Variants in TCAIM observed in about 807,000 individuals in gnomAD.
TCAIM encodes T-cell activation inhibitor, mitochondrial.
Under a neutral mutation model 58.6 loss-of-function variants are expected in TCAIM, and 36 were observed. The observed-to-expected ratio is 0.61, with a 90% CI of 0.47 to 0.81. The LOEUF (loss-of-function observed/expected upper bound fraction) is 0.81. Among genes scored for constraint, TCAIM ranks in the 30% least tolerant of loss-of-function variants. TCAIM has a pLI of 0.00. For synonymous variants in TCAIM, 172 were observed against 193.6 expected (o/e 0.89, Z 0.93); for missense variants, 466 against 579.6 (o/e 0.80, Z 2.01).
At position 44,368,534 on chromosome 3, in the gene TCAIM, T is replaced by C. The variant is rs9811102; in HGVS notation, c.572+826T>C. Among the ~76,000 whole-genome samples, 445 of 152,352 alleles carry C rather than the reference T, an allele frequency of 2.9e-3. 4 individuals are homozygous for C. Among genetic ancestry groups the C allele is most frequent in the African/African-American group, 0.01 (436 of 41,598 alleles). ...TCTAGTACAGAAAAGTATAGAAGTA[T>C]GTGTCTGAAGACGTGTATGTATGTA... On this transcript the variant is annotated intron_variant, in intron 5 of 10. Coordinates refer to ENST00000342649, the MANE Select transcript of TCAIM (RefSeq NM_173826.4).
chr3:44,370,716 G>A lies in TCAIM; in HGVS notation c.572+3008G>A, dbSNP rs143930211. Among the ~76,000 whole-genome samples the A allele has an allele frequency of 6.9e-3, 1,006 of 146,072 alleles. 11 individuals are homozygous for A. The highest frequency in any genetic ancestry group is 0.024 in the African/African-American group (971 of 39,856). On this transcript the variant is annotated intron_variant, in intron 5 of 10. Transcript: ENST00000342649. Reference sequence around the variant, plus strand: ...TGCTTATATTGAAGGGCCTTAGATTGTATTTCTTTTTTAATTTCTTTCTTT... The same window carrying A: ...TGCTTATATTGAAGGGCCTTAGATTATATTTCTTTTTTAATTTCTTTCTTT...
chr3:44,361,484 T>A lies in TCAIM; in HGVS notation c.285T>A (p.Ser95Arg). ...LTFYVRETDQ[S>R]SSDGQEPFST... ...TTTATGTAAGAGAAACAGACCAGAG[T>A]TCCTCCGATGGCCAGGAACCTTTTA... Residue 95 changes from serine to arginine, a missense_variant, in exon 4 of 11, where the codon AGT becomes AGA. Coordinates refer to ENST00000342649, the MANE Select transcript of TCAIM (RefSeq NM_173826.4). 7 of 1,607,492 alleles carry A rather than the reference T, an allele frequency of 4.4e-6. No homozygotes were observed. Among genetic ancestry groups the A allele is most frequent in the Non-Finnish European group, 5.9e-6 (7 of 1,177,568 alleles).
At position 44,400,298 on chromosome 3, in the gene TCAIM, T is replaced by A. The variant is rs983950415; in HGVS notation, c.886-57T>A. On this transcript the variant is annotated intron_variant, in intron 8 of 10. Coordinates refer to ENST00000342649, the MANE Select transcript of TCAIM (RefSeq NM_173826.4). The stretch of plus-strand genomic sequence containing the variant: ...AATGCCATTTATTGGAATTCTAAAA[T>A]TAAATTATTATAGTAACATAAAACT... The A allele has an allele frequency of 3.1e-5, 41 of 1,313,322 alleles. 1 individual carries two copies. In the Admixed American group the frequency reaches 5.5e-4, roughly 18 times the overall value. The allele number at this position is 1,313,322 out of a possible 1,614,324, so 81.4% of individuals were successfully genotyped here.
At chr3:44,389,903 A>G (rs1043397918) in intron 5 of TCAIM, among the ~76,000 whole-genome samples, 2 of 152,148 alleles carry the variant, frequency 1.3e-5, no homozygotes, top group Admixed American at 6.5e-5. Context: ...TCATCTGTGC[A>G]TATTGGTACA....
chr3:44,357,662 T>C, intron 2 of TCAIM, 79 bp from the exon 3 acceptor site: 1 of 1,558,296 alleles, frequency 6.4e-7, no homozygotes, highest in Non-Finnish European at 8.7e-7. Context: ...GTACGTTTAG[T>C]TTTATTGTCA....
intron 3 of TCAIM, chr3:44,358,409 C>A: frequency 1.6e-6 from 1 of 615,038 alleles, no homozygotes; most frequent in South Asian, 2.0e-5. Flanking sequence ...CCTTCATATC[C>A]ATGGGTTTTA....
chr3:44,389,993 G>A (rs1462699337), intron 5 of TCAIM, among the ~76,000 whole-genome samples: 3 of 152,124 alleles, frequency 2.0e-5, no homozygotes, highest in Non-Finnish European at 4.4e-5. Context: ...ACATCTTTCA[G>A]GTTCCAGATC....
chr3:44,396,855 T>G (rs1233306069), intron 8 of TCAIM, 21 bp downstream of exon 8: 2 of 1,603,716 alleles, frequency 1.2e-6, no homozygotes, highest in Non-Finnish European at 1.7e-6. Context: ...GCCTTAAAAT[T>G]AAAAACTCCT....
In TCAIM at chr3:44,361,518, G is replaced by A. The variant is rs773948872; in HGVS notation, c.319G>A (p.Gly107Arg). The change falls in exon 4 of 11, where the codon GGA becomes AGA. Residue 107 changes from glycine to arginine, a missense_variant and splice_region_variant. Coordinates refer to ENST00000342649, the MANE Select transcript of TCAIM (RefSeq NM_173826.4). ...SDGQEPFSTSGFRAVKFTLHT... is the reference protein window; with the variant it reads ...SDGQEPFSTSRFRAVKFTLHT... Reference sequence around the variant, plus strand: ...TGGCCAGGAACCTTTTAGTACTTCCGGTACGTTTTTTATTTCTGGTGTGTC... The same window carrying A: ...TGGCCAGGAACCTTTTAGTACTTCCAGTACGTTTTTTATTTCTGGTGTGTC... 20 of 1,585,250 alleles carry A rather than the reference G, an allele frequency of 1.3e-5. No individual in the cohort carries two copies. The highest frequency in any genetic ancestry group is 3.8e-5 in the Admixed American group (2 of 53,226).
intron 1 of TCAIM, among the ~76,000 whole-genome samples, chr3:44,344,348 C>G (rs2125623779): frequency 6.6e-6 from 1 of 152,288 alleles, no homozygotes; most frequent in East Asian, 1.9e-4. Flanking sequence ...TTCCATCTTA[C>G]ACACAACATA....
chr3:44,361,582 AC>A, intron 4 of TCAIM, 64 bp downstream of exon 4: 1 of 1,380,218 alleles, frequency 7.2e-7, no homozygotes, highest in African/African-American at 1.5e-5. Flanking sequence ...ATTAATTTTG[AC>A]ATTGCCAGAA....
At chr3:44,371,679 C>G (rs1379527258) in intron 5 of TCAIM, among the ~76,000 whole-genome samples, 1 of 152,174 alleles carries the variant, frequency 6.6e-6, no homozygotes, top group African/African-American at 2.4e-5. Flanking sequence ...CCAATTCTAG[C>G]ATGTTCACAT....
At chr3:44,394,645 C>T (rs1701892971) in intron 6 of TCAIM, among the ~76,000 whole-genome samples, 1 of 151,328 alleles carries the variant, frequency 6.6e-6, no homozygotes, top group Non-Finnish European at 1.5e-5. Context: ...CCTGTAATCC[C>T]AGCACTTTGG....
At position 44,367,489 on chromosome 3, in the gene TCAIM, G is replaced by A. The variant is rs1271350053; in HGVS notation, c.353G>A (p.Arg118Lys). The change falls in exon 5 of 11, where the codon AGA becomes AAA. Residue 118 changes from arginine (R) to lysine (K), a missense_variant. Physicochemically the swap from Arg to Lys is conservative, Grantham distance 26. Coordinates refer to ENST00000342649, the MANE Select transcript of TCAIM (RefSeq NM_173826.4). ...FRAVKFTLHTRDLLSTVLYIL... is the reference protein window; with the variant it reads ...FRAVKFTLHTKDLLSTVLYIL... Reference sequence around the variant, plus strand: ...GCAGTCAAATTTACTTTGCACACCAGAGATCTGCTAAGCACAGTGTTATAT... The same window carrying A: ...GCAGTCAAATTTACTTTGCACACCAAAGATCTGCTAAGCACAGTGTTATAT... 6.2e-7 allele frequency: 1 copy of A among 1,613,530 alleles called. No homozygotes were observed. The highest frequency in any genetic ancestry group is 1.1e-5 in the South Asian group (1 of 90,994).
chr3:44,349,975 CAG>C (rs1467730466), intron 1 of TCAIM, among the ~76,000 whole-genome samples: 2 of 151,762 alleles, frequency 1.3e-5, no homozygotes, highest in African/African-American at 2.4e-5. Flanking sequence ...AGCAGGGGGA[CAG>C]GGGATTGATC....
At chr3:44,349,298 T>C (rs933795315) in intron 1 of TCAIM, among the ~76,000 whole-genome samples, 11 of 152,180 alleles carry the variant, frequency 7.2e-5, no homozygotes, top group Non-Finnish European at 1.3e-4. Flanking sequence ...CTACAAGAAT[T>C]ATCTAGATCT....
At chr3:44,340,249 A>G (rs1700829346) in intron 1 of TCAIM, 1 of 152,238 alleles carries the variant, frequency 6.6e-6, no homozygotes, top group Non-Finnish European at 1.5e-5. Context: ...TGAATCTTCT[A>G]GTTGTCTTAG....
intron 5 of TCAIM, among the ~76,000 whole-genome samples, chr3:44,380,881 C>G (rs1701645366): frequency 6.6e-6 from 1 of 152,018 alleles, no homozygotes; most frequent in African/African-American, 2.4e-5. Context: ...CAATTGTACA[C>G]CAACAAGTTG....
At chr3:44,343,816 T>G (rs1223970741) in intron 1 of TCAIM, among the ~76,000 whole-genome samples, 2 of 152,222 alleles carry the variant, frequency 1.3e-5, no homozygotes, top group Non-Finnish European at 2.9e-5. Context: ...TGTTTAGATT[T>G]GTATTTGGTA....
Sources: allele counts gnomAD v4.1 joint callset (sites outside exome capture counted in the v4.1 genomes callset), GRCh38; gene constraint gnomAD v4.1.1; transcripts MANE v1.5; gene names NCBI Gene and HGNC (gene_info 2026-07-23, HGNC 2026-07-21).